The following NALF1 variants were observed in gnomAD, a reference collection of about 807,000 sequenced individuals.
NALF1 encodes NALCN channel auxiliary factor 1, also known as family with sequence similarity 155 member A.
Under a neutral mutation model 48.4 loss-of-function variants are expected in NALF1, and 3 were observed. The ratio of observed to expected loss-of-function variants is 0.06; its 90% CI spans 0.03 to 0.16. The LOEUF is 0.16. Ranked by LOEUF, NALF1 falls within the 10% of genes least tolerant of loss-of-function variation. The pLI is 1.00. For missense variants in NALF1, 526 were observed against 571.5 expected, an observed-to-expected ratio of 0.92 and a Z score of 0.81; for synonymous variants, 262 against 245.7, an observed-to-expected ratio of 1.07 and a Z score of -0.62.
intron 1 of NALF1, among the ~76,000 whole-genome samples, chr13:107,675,690 C>G (rs977327488): frequency 5.9e-4 from 90 of 152,264 alleles, no homozygotes; most frequent in Admixed American, 1.5e-3. Context: ...TCCCTAGCTA[C>G]TGCTGCCTGG....
At chr13:107,218,087 C>A (rs1423039347) in intron 1 of NALF1, among the ~76,000 whole-genome samples, 8 of 152,120 alleles carry the variant, frequency 5.3e-5, no homozygotes, top group Non-Finnish European at 1.2e-4. Flanking sequence ...TGCTCTCTGG[C>A]CACAGGAGTG....
intron 1 of NALF1, among the ~76,000 whole-genome samples, chr13:107,856,778 T>A (rs1466184993): frequency 1.3e-5 from 2 of 152,120 alleles, no homozygotes; most frequent in Non-Finnish European, 2.9e-5. Flanking sequence ...TGTTTAAAAT[T>A]ATGTAGCCCA....
intron 1 of NALF1, among the ~76,000 whole-genome samples, chr13:107,758,380 T>A (rs1877174421): frequency 6.6e-6 from 1 of 152,194 alleles, no homozygotes; most frequent in African/African-American, 2.4e-5. Flanking sequence ...CATATATTAA[T>A]AAAACCACAT....
chr13:107,697,234 G>A (rs1881719815), intron 1 of NALF1, among the ~76,000 whole-genome samples: 2 of 151,982 alleles, frequency 1.3e-5, no homozygotes, highest in Admixed American at 1.3e-4. Context: ...TCAAAAGAAT[G>A]GCTATTCCAC....
intron 1 of NALF1, among the ~76,000 whole-genome samples, chr13:107,482,095 T>C (rs1398071370): frequency 2.0e-5 from 3 of 152,100 alleles, no homozygotes; most frequent in African/African-American, 4.8e-5. Flanking sequence ...ATTTAAATCA[T>C]GGACCTTGGG....
At chr13:107,202,317 T>C (rs1879538154) in intron 2 of NALF1, among the ~76,000 whole-genome samples, 2 of 150,864 alleles carry the variant, frequency 1.3e-5, no homozygotes, top group South Asian at 2.1e-4. Context: ...TGTATCTATA[T>C]ATAAATTGGA....
chr13:107,625,623 A>G (rs1445022905), intron 1 of NALF1, among the ~76,000 whole-genome samples: 1 of 152,090 alleles, frequency 6.6e-6, no homozygotes, highest in African/African-American at 2.4e-5. Context: ...ATTTGCTCCA[A>G]TATCCATTTG....
chr13:107,351,480 T>C (rs919575344), intron 1 of NALF1, among the ~76,000 whole-genome samples: 54 of 152,156 alleles, frequency 3.5e-4, no homozygotes, highest in Non-Finnish European at 3.8e-4. Context: ...AGACATTCTT[T>C]AGGACTGCAG....
intron 1 of NALF1, among the ~76,000 whole-genome samples, chr13:107,464,819 G>A (rs945036405): frequency 5.3e-5 from 8 of 151,898 alleles, no homozygotes; most frequent in Admixed American, 1.3e-4. Context: ...CACACCCGGC[G>A]GCAATACAAA....
chr13:107,254,477 T>G (rs1880772024), intron 1 of NALF1, among the ~76,000 whole-genome samples: 1 of 152,156 alleles, frequency 6.6e-6, no homozygotes, highest in African/African-American at 2.4e-5. Flanking sequence ...TGCAAAGGGA[T>G]AGTGAATGTT....
chr13:107,573,969 C>T (rs1167097158), intron 1 of NALF1, among the ~76,000 whole-genome samples: 2 of 152,246 alleles, frequency 1.3e-5, no homozygotes, highest in South Asian at 4.1e-4. Context: ...TGAGAACAGA[C>T]TAATACATTC....
At chr13:107,330,883 A>G (rs1452434725) in intron 1 of NALF1, among the ~76,000 whole-genome samples, 4 of 152,184 alleles carry the variant, frequency 2.6e-5, no homozygotes, top group Non-Finnish European at 5.9e-5. Flanking sequence ...TGTTTCTATT[A>G]TCTTATCTTC....
At chr13:107,334,672 C>T (rs1172975425) in intron 1 of NALF1, among the ~76,000 whole-genome samples, 2 of 152,044 alleles carry the variant, frequency 1.3e-5, no homozygotes, top group Non-Finnish European at 2.9e-5. Context: ...TTTTAAAAAA[C>T]CTTTTAAATG....
At chr13:107,689,369 T>C (rs986104978) in intron 1 of NALF1, among the ~76,000 whole-genome samples, 3 of 152,202 alleles carry the variant, frequency 2.0e-5, no homozygotes, top group South Asian at 2.1e-4. Context: ...ATATAATCCA[T>C]AATTTTTGAC....
chr13:107,782,639 G>C (rs909786751), intron 1 of NALF1, among the ~76,000 whole-genome samples: 25 of 151,866 alleles, frequency 1.6e-4, no homozygotes, highest in Non-Finnish European at 3.4e-4. Flanking sequence ...ATCCCATCTA[G>C]GAAGTGAGGA....
intron 1 of NALF1, among the ~76,000 whole-genome samples, chr13:107,638,201 A>ATATATATATATATG (rs372122331): frequency 5.4e-5 from 6 of 110,844 alleles, no homozygotes; most frequent in African/African-American, 1.4e-4. Flanking sequence ...ATATATATAT[A>ATATATATATATATG]TATATAATTT....
intron 1 of NALF1, among the ~76,000 whole-genome samples, chr13:107,699,452 T>C (rs1881770954): frequency 6.6e-6 from 1 of 152,152 alleles, no homozygotes; most frequent in Non-Finnish European, 1.5e-5. Context: ...TCAGACATCC[T>C]TTCTAAAACA....
At chr13:107,182,651 T>TA (rs1418734864) in intron 2 of NALF1, among the ~76,000 whole-genome samples, 1 of 152,174 alleles carries the variant, frequency 6.6e-6, no homozygotes, top group Non-Finnish European at 1.5e-5. Context: ...ACTTATCCTT[T>TA]AAAAAATCGC....
intron 1 of NALF1, among the ~76,000 whole-genome samples, chr13:107,681,519 C>G (rs1056388522): frequency 6.6e-6 from 1 of 152,180 alleles, no homozygotes; most frequent in Admixed American, 6.5e-5. Context: ...AATCCCTATG[C>G]CCAGTTAACC....
Sources: allele counts gnomAD v4.1 joint callset (sites outside exome capture counted in the v4.1 genomes callset), GRCh38; gene constraint gnomAD v4.1.1; transcripts MANE v1.5; gene names NCBI Gene and HGNC (gene_info 2026-07-23, HGNC 2026-07-21).